Variants in CTNNA2 observed in about 807,000 individuals in gnomAD.
CTNNA2 encodes the protein catenin alpha 2, also known as catenin alpha-2.
A neutral mutation model predicts 101.0 loss-of-function variants in CTNNA2; 42 were observed. The observed-to-expected ratio is 0.42, with a 90% CI of 0.32 to 0.54. CTNNA2 has a LOEUF of 0.54. Among genes scored for constraint, CTNNA2 ranks in the 20% least tolerant of loss-of-function variants. The probability of loss-of-function intolerance (pLI) is 0.14; values close to 1 mark genes in which losing one functional copy is unlikely to be tolerated. For missense variants in CTNNA2, 871 were observed against 1,223.1 expected (o/e 0.71, Z 4.29); for synonymous variants, 450 against 456.4 (o/e 0.99, Z 0.18).
intron 9 of CTNNA2, among the ~76,000 whole-genome samples, chr2:80,512,009 G>A (rs1046913058): frequency 2.0e-5 from 3 of 151,898 alleles, no homozygotes; most frequent in African/African-American, 7.3e-5. Flanking sequence ...AATTAGCTGG[G>A]CATAGTGGTG....
Position 80,472,119 on chromosome 2 carries a change from C to CAAA in CTNNA2, c.1290+52528_1290+52530dup, listed in dbSNP as rs35151279. Among the ~76,000 whole-genome samples, 1,236 of 142,238 alleles carry CAAA rather than the reference C, an allele frequency of 8.7e-3. 15 individuals are homozygous for CAAA. The highest frequency in any genetic ancestry group is 0.03 in the African/African-American group (1,170 of 39,274). The allele number at this position is 142,238 out of a possible 152,430, so 93.3% of individuals were successfully genotyped here. A position where few individuals can be genotyped will look rare whatever the true frequency, so the allele number is the denominator to read the frequency against. On this transcript the variant is annotated intron_variant, in intron 9 of 18. Transcript: ENST00000402739. ...TGGGTGACAGAGCGAGACTCCATCT[C>CAAA]AAAAAAAAAAAAGGTTAGAAAATAT...
intron 4 of CTNNA2, among the ~76,000 whole-genome samples, chr2:79,432,918 C>T (rs1216848394): frequency 6.6e-6 from 1 of 152,174 alleles, no homozygotes; most frequent in African/African-American, 2.4e-5. Flanking sequence ...TCTAGCCAAG[C>T]CTAATTTGTC....
At chr2:80,413,421 A>T (rs188263436) in intron 8 of CTNNA2, among the ~76,000 whole-genome samples, 2 of 152,348 alleles carry the variant, frequency 1.3e-5, no homozygotes, top group Non-Finnish European at 2.9e-5. Flanking sequence ...AACTAAATAA[A>T]GCAAGAACCA....
intron 4 of CTNNA2, among the ~76,000 whole-genome samples, chr2:79,488,889 T>C (rs1671182838): frequency 6.6e-6 from 1 of 152,210 alleles, no homozygotes; most frequent in Non-Finnish European, 1.5e-5. Context: ...AACAATTGTT[T>C]ATATCACTAC....
chr2:79,719,326 A>G (rs924094983), intron 2 of CTNNA2, among the ~76,000 whole-genome samples: 1 of 152,162 alleles, frequency 6.6e-6, no homozygotes, highest in Non-Finnish European at 1.5e-5. Context: ...ATGGACACCT[A>G]GGTTGATTCC....
chr2:79,353,201 C>A (rs949331565), intron 3 of CTNNA2, among the ~76,000 whole-genome samples: 1 of 152,170 alleles, frequency 6.6e-6, no homozygotes, highest in Non-Finnish European at 1.5e-5. Flanking sequence ...TGTCTGATTT[C>A]ATTACATTTG....
intron 7 of CTNNA2, among the ~76,000 whole-genome samples, chr2:79,923,258 G>C (rs2104388912): frequency 6.6e-6 from 1 of 152,200 alleles, no homozygotes; most frequent in East Asian, 1.9e-4. Context: ...AATGGTAGAG[G>C]CAACAACCAT....
intron 3 of CTNNA2, among the ~76,000 whole-genome samples, chr2:79,816,014 T>A (rs1410576387): frequency 6.6e-6 from 1 of 151,974 alleles, no homozygotes; most frequent in Non-Finnish European, 1.5e-5. Context: ...TTTTTGTAGC[T>A]ATTGTAAAAG....
rs111435845 is a variant in CTNNA2 at position 80,525,199 on chromosome 2, GT to G, written c.1291-19771del. Among the ~76,000 whole-genome samples the G allele has an allele frequency of 5.3e-3, 768 of 145,040 alleles. 6 individuals carry two copies. Among genetic ancestry groups the G allele is most frequent in the African/African-American group, 0.017 (684 of 39,778 alleles). ...GCTGGGGCAGGATTGCACAGCTAGAGTTTTTTTTTTTTAATAGCAATTTTTG... is the reference window on the plus strand; with the variant it reads ...GCTGGGGCAGGATTGCACAGCTAGAGTTTTTTTTTTTAATAGCAATTTTTG... On this transcript the variant is annotated intron_variant, in intron 9 of 18. Coordinates refer to ENST00000402739, the MANE Select transcript of CTNNA2 (RefSeq NM_001282597.3).
At position 80,266,862 on chromosome 2, in the gene CTNNA2, T is replaced by C. The variant is rs145930431; in HGVS notation, c.1057-126349T>C. 1.9e-3 allele frequency among the ~76,000 whole-genome samples: 291 copies of C among 152,254 alleles called. 2 individuals are homozygous for C. Among genetic ancestry groups the C allele is most frequent in the East Asian group, 7.5e-3 (39 of 5,176 alleles). Reference sequence around the variant, plus strand: ...CATCTTCCTAAAACTCTCTGGATGTTCTGCCTCCAGATGGGCCCCTGTCAT... The same window carrying C: ...CATCTTCCTAAAACTCTCTGGATGTCCTGCCTCCAGATGGGCCCCTGTCAT... On this transcript the variant is annotated intron_variant, in intron 7 of 18. Transcript: ENST00000402739.
At chr2:79,287,082 C>T (rs1254258297) in intron 2 of CTNNA2, among the ~76,000 whole-genome samples, 4 of 152,198 alleles carry the variant, frequency 2.6e-5, no homozygotes, top group African/African-American at 9.7e-5. Flanking sequence ...TCACGTAGTT[C>T]TCGAGCCTTG....
At chr2:79,817,676 C>T (rs1307040084) in intron 3 of CTNNA2, among the ~76,000 whole-genome samples, 1 of 152,280 alleles carries the variant, frequency 6.6e-6, no homozygotes, top group South Asian at 2.1e-4. Flanking sequence ...AAGGGCAAAA[C>T]CTAGATCGAG....
At chr2:80,105,165 A>G (rs1292098981) in intron 7 of CTNNA2, among the ~76,000 whole-genome samples, 1 of 152,232 alleles carries the variant, frequency 6.6e-6, no homozygotes, top group Non-Finnish European at 1.5e-5. Flanking sequence ...TCTTTTCAGT[A>G]AAATACACCA....
intron 8 of CTNNA2, among the ~76,000 whole-genome samples, chr2:80,416,844 C>T (rs1184937664): frequency 6.6e-6 from 1 of 151,796 alleles, no homozygotes; most frequent in South Asian, 2.1e-4. Flanking sequence ...ATGTCTTATA[C>T]CCTTGAAAGT....
chr2:79,316,130 G>A (rs567493326), intron 3 of CTNNA2, among the ~76,000 whole-genome samples: 1 of 152,164 alleles, frequency 6.6e-6, no homozygotes, highest in East Asian at 1.9e-4. Flanking sequence ...TTTGGTGTGA[G>A]GAAGGTGTCC....
chr2:79,803,505 G>A (rs988169794), intron 3 of CTNNA2, among the ~76,000 whole-genome samples: 1 of 152,268 alleles, frequency 6.6e-6, no homozygotes, highest in African/African-American at 2.4e-5. Context: ...CTGCAGCAGG[G>A]ACACGCTCTT....
intron 7 of CTNNA2, among the ~76,000 whole-genome samples, chr2:80,265,119 C>T (rs575731090): frequency 7.2e-5 from 11 of 151,902 alleles, no homozygotes; most frequent in South Asian, 4.2e-4. Flanking sequence ...GGATTACAGG[C>T]GCCCACCACC....
intron 4 of CTNNA2, among the ~76,000 whole-genome samples, chr2:79,446,103 AAAAG>A (rs1678830172): frequency 6.6e-6 from 1 of 152,098 alleles, no homozygotes; most frequent in African/African-American, 2.4e-5. Flanking sequence ...GTAATTGGAT[AAAAG>A]AAAGACTTAT....
intron 3 of CTNNA2, among the ~76,000 whole-genome samples, chr2:79,807,763 A>G (rs187733117): frequency 1.3e-5 from 2 of 152,290 alleles, no homozygotes; most frequent in African/African-American, 2.4e-5. Flanking sequence ...AAAAAGCACA[A>G]TGCTATTATG....
Sources: gnomAD v4.1 joint callset for allele counts (sites outside exome capture counted in the v4.1 genomes callset) on GRCh38, gnomAD v4.1.1 for gene constraint, MANE v1.5 for transcripts, NCBI Gene and HGNC (gene_info 2026-07-23, HGNC 2026-07-21) for gene names.